The following FRMD6 variants were observed in gnomAD, a reference collection of about 807,000 sequenced individuals.
FRMD6 encodes FERM domain containing 6, also known as FERM domain-containing protein 6.
A neutral mutation model predicts 73.2 loss-of-function variants in FRMD6; 37 were observed. The ratio of observed to expected loss-of-function variants is 0.51; its 90% confidence interval spans 0.39 to 0.66. The LOEUF (loss-of-function observed/expected upper bound fraction) is 0.66, where lower values mean the gene tolerates loss of function less well. Among genes scored for constraint, FRMD6 ranks in the 30% least tolerant of loss-of-function variants. FRMD6 has a pLI of 0.00. For missense variants in FRMD6, 714 were observed against 780.5 expected (o/e 0.91, Z 1.02); for synonymous variants, 273 against 282.2 (o/e 0.97, Z 0.33).
At chr14:51,432,273 T>C in the FRMD6 span, among the ~76,000 whole-genome samples, 1 of 152,194 alleles carries the variant, frequency 6.6e-6, no homozygotes, top group South Asian at 2.1e-4. Context: ...TCTGACTATA[T>C]ACATGGAAGT....
intron 1 of FRMD6, among the ~76,000 whole-genome samples, chr14:51,533,732 A>G (rs1885725325): frequency 6.6e-6 from 1 of 152,234 alleles, no homozygotes; most frequent in Admixed American, 6.5e-5. Context: ...CGTGGTCTCA[A>G]GATGACATTG....
At chr14:51,653,420 A>G (rs1462238410) in intron 1 of FRMD6, among the ~76,000 whole-genome samples, 1 of 152,174 alleles carries the variant, frequency 6.6e-6, no homozygotes, top group African/African-American at 2.4e-5. Flanking sequence ...TTGATATTTC[A>G]CAGCATCAAA....
At chr14:51,598,854 A>C (rs1889862144) in intron 2 of FRMD6, among the ~76,000 whole-genome samples, 2 of 152,188 alleles carry the variant, frequency 1.3e-5, no homozygotes, top group South Asian at 4.1e-4. Flanking sequence ...TGCACTGAAC[A>C]TACAAGTGCA....
chr14:51,720,010 C>T (rs368113281), intron 10 of FRMD6, 45 bp from the exon 11 acceptor site: 26 of 1,476,882 alleles, frequency 1.8e-5, no homozygotes, highest in Non-Finnish European at 2.0e-5. Flanking sequence ...GCTCACCAGC[C>T]GTTCCTTCTG....
chr14:51,535,010 C>T (rs555143113), intron 1 of FRMD6, among the ~76,000 whole-genome samples: 1 of 152,280 alleles, frequency 6.6e-6, no homozygotes, highest in South Asian at 2.1e-4. Context: ...GTGAGCAGTT[C>T]ACCCACATTC....
chr14:51,416,868 T>A, the FRMD6 span, among the ~76,000 whole-genome samples: 9 of 152,346 alleles, frequency 5.9e-5, no homozygotes, highest in East Asian at 1.7e-3. Context: ...TTAGGATAGT[T>A]AGCTCTTCTT....
chr14:51,497,917 G>A (rs1883397516), intron 1 of FRMD6, among the ~76,000 whole-genome samples: 1 of 152,114 alleles, frequency 6.6e-6, no homozygotes, highest in South Asian at 2.1e-4. Flanking sequence ...ACTTCCTAAA[G>A]TCCTTTAGAG....
At chr14:51,460,083 C>T in the FRMD6 span, among the ~76,000 whole-genome samples, 1 of 151,854 alleles carries the variant, frequency 6.6e-6, no homozygotes, top group Admixed American at 6.6e-5. Flanking sequence ...AGAATTTATT[C>T]ATGTATAATG....
chr14:51,628,791 A>T (rs1424186521), intron 2 of FRMD6, among the ~76,000 whole-genome samples: 5 of 79,750 alleles, frequency 6.3e-5, no homozygotes, highest in Non-Finnish European at 1.2e-4. Flanking sequence ...ACAGAGCAAG[A>T]CTCTGTCTCA....
intron 1 of FRMD6, among the ~76,000 whole-genome samples, chr14:51,661,868 T>A (rs1893240531): frequency 6.6e-6 from 1 of 152,234 alleles, no homozygotes. Flanking sequence ...TCAATATTGA[T>A]GTGGGTACAT....
chr14:51,477,472 G>A, the FRMD6 span, among the ~76,000 whole-genome samples: 1 of 151,312 alleles, frequency 6.6e-6, no homozygotes, highest in Non-Finnish European at 1.5e-5. Context: ...TTGGCATGAG[G>A]ATACAAGGGG....
chr14:51,588,955 G>C (rs1051027953), intron 2 of FRMD6, among the ~76,000 whole-genome samples: 1 of 152,238 alleles, frequency 6.6e-6, no homozygotes, highest in Non-Finnish European at 1.5e-5. Flanking sequence ...ACCACCATAA[G>C]CCCTAAACTG....
At chr14:51,423,121 G>T in the FRMD6 span, among the ~76,000 whole-genome samples, 1 of 152,222 alleles carries the variant, frequency 6.6e-6, no homozygotes, top group Non-Finnish European at 1.5e-5. Flanking sequence ...CCTTTGTTGT[G>T]CTAGGCCACT....
At chr14:51,673,180 A>G (rs981188621) in intron 1 of FRMD6, among the ~76,000 whole-genome samples, 2 of 152,108 alleles carry the variant, frequency 1.3e-5, no homozygotes. Flanking sequence ...GCTAGTGGGA[A>G]TGAGAACTAT....
intron 2 of FRMD6, among the ~76,000 whole-genome samples, chr14:51,610,693 C>A (rs1017990267): frequency 6.6e-6 from 1 of 152,036 alleles, no homozygotes; most frequent in Non-Finnish European, 1.5e-5. Context: ...TGGTATGGTC[C>A]AATTTTGTGT....
the FRMD6 span, among the ~76,000 whole-genome samples, chr14:51,428,950 C>A: frequency 9.2e-6 from 1 of 108,184 alleles, no homozygotes; most frequent in African/African-American, 3.7e-5. Flanking sequence ...AGGGGAGAGA[C>A]AGAGGGGGAG....
chr14:51,715,449 T>C lies in FRMD6; in HGVS notation c.974T>C (p.Met325Thr). The change falls in exon 10 of 14, where the codon ATG (methionine) becomes ACG (threonine). Residue 325 changes from methionine to threonine, a missense_variant. Coordinates refer to ENST00000344768, the MANE Select transcript of FRMD6 (RefSeq NM_001267046.2). ...QLLSNSHRLY[M>T]NLQPVLRHIR... Reference sequence around the variant, plus strand: ...CTGAGCAACAGCCACCGCCTCTATATGAATCTGCAGCCTGTCCTGCGCCAT... The same window carrying C: ...CTGAGCAACAGCCACCGCCTCTATACGAATCTGCAGCCTGTCCTGCGCCAT... 1 of 1,613,836 alleles carries C rather than the reference T, an allele frequency of 6.2e-7. No individual in the cohort carries two copies. Among genetic ancestry groups the C allele is most frequent in the Non-Finnish European group, 8.5e-7 (1 of 1,179,844 alleles).
intron 1 of FRMD6, among the ~76,000 whole-genome samples, chr14:51,495,011 G>A (rs4335710): frequency 0.66 from 100,899 of 152,020 alleles, 34,961 homozygotes; most frequent in African/African-American, 0.87. Flanking sequence ...TCATCTTTAC[G>A]TCATTTCTCT....
At chr14:51,659,450 A>G (rs1395046576) in intron 1 of FRMD6, among the ~76,000 whole-genome samples, 2 of 152,242 alleles carry the variant, frequency 1.3e-5, no homozygotes, top group African/African-American at 4.8e-5. Context: ...TTTTGATGGC[A>G]TTAAGCAGGC....
Sources: allele counts gnomAD v4.1 joint callset (sites outside exome capture counted in the v4.1 genomes callset), GRCh38; gene constraint gnomAD v4.1.1; transcripts MANE v1.5; gene names NCBI Gene and HGNC (gene_info 2026-07-23, HGNC 2026-07-21).